RCOR3: variants seen among roughly 807,000 people sequenced by gnomAD.
RCOR3 encodes REST corepressor 3.
RCOR3 carries 13 observed loss-of-function variants against 64.1 expected under a neutral mutation model. The observed-to-expected ratio is 0.20, with a 90% CI of 0.13 to 0.32. The LOEUF is 0.32. Ranked by LOEUF, RCOR3 falls within the 10% of genes least tolerant of loss-of-function variation. The pLI, the probability that RCOR3 is intolerant of heterozygous loss-of-function variation, is 1.00. For synonymous variants in RCOR3, 215 were observed against 239.0 expected, an observed-to-expected ratio of 0.90 and a Z score of 0.93; for missense variants, 489 against 701.2, an observed-to-expected ratio of 0.70 and a Z score of 3.42.
chr1:211,309,601 C>T (rs1381295133), intron 10 of RCOR3, among the ~76,000 whole-genome samples: 2 of 152,152 alleles, frequency 1.3e-5, no homozygotes, highest in Non-Finnish European at 1.5e-5. Flanking sequence ...TGAAAACGAC[C>T]TCTTTTCCTA....
chr1:211,303,063 C>T (rs1331263661), intron 9 of RCOR3: 1 of 152,120 alleles, frequency 6.6e-6, no homozygotes, highest in Non-Finnish European at 1.5e-5. Flanking sequence ...TCACCAGGTT[C>T]CTAACCTTGA....
At chr1:211,272,643 A>G (rs1308360078) in intron 3 of RCOR3, among the ~76,000 whole-genome samples, 1 of 5,710 alleles carries the variant, frequency 1.8e-4, no homozygotes, top group African/African-American at 2.5e-4. Context: ...TTTTTTTGAG[A>G]CGGAGTCTCG....
At chr1:211,286,779 T>C (rs1698608345) in intron 7 of RCOR3, among the ~76,000 whole-genome samples, 1 of 152,244 alleles carries the variant, frequency 6.6e-6, no homozygotes, top group South Asian at 2.1e-4. Flanking sequence ...TTGTGCACGG[T>C]TTGTTACATC....
At chr1:211,264,518 C>CA (rs34376952) in intron 2 of RCOR3, among the ~76,000 whole-genome samples, 45,264 of 151,748 alleles carry the variant, frequency 0.3, 7,059 homozygotes, top group South Asian at 0.36. Flanking sequence ...CCTGTCTCCA[C>CA]AAAAAATTCA....
intron 2 of RCOR3, among the ~76,000 whole-genome samples, chr1:211,266,384 A>G (rs1345041462): frequency 6.6e-6 from 1 of 152,046 alleles, no homozygotes; most frequent in Admixed American, 6.5e-5. Context: ...TTCCTTTCCT[A>G]GTTGTTGGTT....
intron 6 of RCOR3, among the ~76,000 whole-genome samples, chr1:211,278,994 C>CTGGCCA (rs1354449303): frequency 6.6e-6 from 1 of 152,094 alleles, no homozygotes; most frequent in Non-Finnish European, 1.5e-5. Context: ...TAAGACCAGC[C>CTGGCCA]TGGCCAACAT....
chr1:211,296,827 T>A (rs1014614509), intron 9 of RCOR3, among the ~76,000 whole-genome samples: 10 of 148,010 alleles, frequency 6.8e-5, no homozygotes, highest in Admixed American at 2.0e-4. Context: ...TATTTTGTTA[T>A]ATTATTGCAA....
Position 211,312,485 on chromosome 1 carries a change from A to ATGG in RCOR3, c.1076-233_1076-231dup. ...GAGAAAATAACTGAGTATGTAAAAA[A>ATGG]TGGTAAGTTTCTGATTGTTCAGTTG... On this transcript the variant is annotated intron_variant, in intron 10 of 11. Transcript: ENST00000419091. This position sits in a 1 kb window ranked among gnomAD's most constrained non-coding sequence, Gnocchi z 5.0. 1.6e-6 allele frequency: 1 copy of ATGG among 633,314 alleles called. No individual in the cohort carries two copies. Among genetic ancestry groups the ATGG allele is most frequent in the Non-Finnish European group, 3.0e-6 (1 of 338,814 alleles). 39.2% of individuals were successfully genotyped at this position (633,314 alleles called of 1,614,324 possible).
chr1:211,268,369 C>CTTTTTTTTT (rs756643084), intron 2 of RCOR3, among the ~76,000 whole-genome samples: 43 of 79,364 alleles, frequency 5.4e-4, no homozygotes, highest in African/African-American at 1.0e-3. Flanking sequence ...TCTTTTCTTT[C>CTTTTTTTTT]TTTTTTTTTT....
rs139368264 is a variant in RCOR3 at position 211,313,672 on chromosome 1, C to A, written c.1566C>A (p.Pro522=). Residue 522 remains proline (P), a synonymous_variant, in exon 12 of 12, where the codon CCC becomes CCA. Coordinates refer to ENST00000419091, the MANE Select transcript of RCOR3 (RefSeq NM_001136223.3). The surrounding 1 kb of genome is among the most constrained non-coding windows in gnomAD (Gnocchi z 4.7). ...PLIRPANSMP[P]RLNPRPVLST... ...TTCGCCCTGCTAATTCCATGCCACC[C>A]CGTCTAAACCCAAGACCGGTGTTGT... The A allele has an allele frequency of 6.2e-7, 1 of 1,614,106 alleles. No individual in the cohort carries two copies. The highest frequency in any genetic ancestry group is 1.3e-5 in the African/African-American group (1 of 74,930).
At chr1:211,262,122 C>T (rs1293011100) in intron 2 of RCOR3, among the ~76,000 whole-genome samples, 4 of 127,542 alleles carry the variant, frequency 3.1e-5, no homozygotes, top group Admixed American at 9.7e-5. Context: ...ACTGCAACCT[C>T]TGCCTCCCGG....
At chr1:211,304,680 G>A (rs1700691264) in intron 10 of RCOR3, among the ~76,000 whole-genome samples, 1 of 152,116 alleles carries the variant, frequency 6.6e-6, no homozygotes, top group Non-Finnish European at 1.5e-5. Flanking sequence ...ACTTAAGAGC[G>A]ATATCAAAAA....
chr1:211,275,979 A>G (rs563898320), intron 4 of RCOR3, among the ~76,000 whole-genome samples: 3 of 152,308 alleles, frequency 2.0e-5, no homozygotes, highest in East Asian at 3.9e-4. Flanking sequence ...TGAACCTACA[A>G]ATCTGCTTTG....
chr1:211,271,171 C>G, intron 2 of RCOR3, 61 bp from the exon 3 acceptor site: 2 of 1,489,296 alleles, frequency 1.3e-6, no homozygotes, highest in Non-Finnish European at 1.9e-6. Flanking sequence ...TACTTTGTTT[C>G]TACTTATTTT....
chr1:211,277,309 A>G (rs755892368), intron 5 of RCOR3, among the ~76,000 whole-genome samples: 1 of 152,004 alleles, frequency 6.6e-6, no homozygotes, highest in African/African-American at 2.4e-5. Flanking sequence ...AATATTTGCA[A>G]ATATATCTAG....
Position 211,289,232 on chromosome 1 carries a change from T to C in RCOR3, c.775T>C (p.Tyr259His), listed in dbSNP as rs759171296. ...CAAGATTGGACTTGGAAGAAGAGAG[T>C]ATCAGAGTTTACAACATCGCCATCA... is the stretch of plus-strand genomic sequence containing the variant. ...TSKIGLGRRE[Y>H]QSLQHRHHSQ... The change falls in exon 8 of 12, where the codon TAT becomes CAT. Residue 259 changes from tyrosine (Y) to histidine (H), a missense_variant. Physicochemically the swap from Tyr to His is moderately conservative, Grantham distance 83. This residue lies in a region of RCOR3 where 402 missense variants were observed against 617.0 expected (regional missense o/e 0.65). Coordinates refer to ENST00000419091, the MANE Select transcript of RCOR3 (RefSeq NM_001136223.3). The C allele has an allele frequency of 1.9e-6, 3 of 1,613,658 alleles. No individual in the cohort carries two copies. Among genetic ancestry groups the C allele is most frequent in the African/African-American group, 2.7e-5 (2 of 74,806 alleles).
In RCOR3 at chr1:211,312,819, G is replaced by A. The variant is rs1404056395; in HGVS notation, c.1175G>A (p.Arg392Gln). 1 of 1,614,020 alleles carries A rather than the reference G, an allele frequency of 6.2e-7. No homozygotes were observed. The highest frequency in any genetic ancestry group is 8.5e-7 in the Non-Finnish European group (1 of 1,180,030). ...VKNFFVNYRR[R>Q]FNLEEVLQEW... ...AACTTCTTTGTAAACTACAGGCGTCGGTTTAACTTAGAGGAGGTATTGCAG... is the reference window on the plus strand; with the variant it reads ...AACTTCTTTGTAAACTACAGGCGTCAGTTTAACTTAGAGGAGGTATTGCAG... The change falls in exon 11 of 12, where the codon CGG (arginine) becomes CAG (glutamine). Residue 392 changes from arginine to glutamine, a missense_variant. Arg to Gln is a conservative substitution (Grantham distance 43). This residue lies in a region of RCOR3 where 402 missense variants were observed against 617.0 expected (regional missense o/e 0.65). Coordinates refer to ENST00000419091, the MANE Select transcript of RCOR3 (RefSeq NM_001136223.3). The surrounding 1 kb of genome is among the most constrained non-coding windows in gnomAD (Gnocchi z 5.0).
At position 211,305,586 on chromosome 1, in the gene RCOR3, T is replaced by C. The variant is rs991256978; in HGVS notation, c.1075+1446T>C. 3.3e-5 allele frequency among the ~76,000 whole-genome samples: 5 copies of C among 152,168 alleles called. No homozygotes were observed. In the East Asian group the frequency reaches 9.6e-4, roughly 29 times the overall value. On this transcript the variant is annotated intron_variant, in intron 10 of 11. Transcript: ENST00000419091. ...CCCTGATTTCCAGTATTCAGTTGTT[T>C]AAAGATTAGTATATTAACTCTGTAT...
At chr1:211,295,454 T>C (rs1699766220) in intron 8 of RCOR3, among the ~76,000 whole-genome samples, 1 of 152,178 alleles carries the variant, frequency 6.6e-6, no homozygotes, top group South Asian at 2.1e-4. Context: ...AACCATGATA[T>C]TCAAAGATAT....
Sources: gnomAD v4.1 joint callset for allele counts (sites outside exome capture counted in the v4.1 genomes callset) on GRCh38, gnomAD v4.1.1 for gene constraint, gnomAD v4.1.1 regional missense constraint, Gnocchi (gnomAD v3.1) non-coding constraint, MANE v1.5 for transcripts, NCBI Gene and HGNC (gene_info 2026-07-23, HGNC 2026-07-21) for gene names.